The following ASCC2 variants were observed in gnomAD, a reference collection of about 807,000 sequenced individuals.
ASCC2 encodes activating signal cointegrator 1 complex subunit 2.
ASCC2 carries 42 observed loss-of-function variants against 93.5 expected under a neutral mutation model. The ratio of observed to expected loss-of-function variants is 0.45; its 90% CI spans 0.35 to 0.58. ASCC2 has a LOEUF of 0.58. ASCC2 is among the 20% of genes least tolerant of loss of function. The pLI, the probability that ASCC2 is intolerant of heterozygous loss-of-function variation, is 0.00. For missense variants in ASCC2, 859 were observed against 977.6 expected, an observed-to-expected ratio of 0.88 and a Z score of 1.62; for synonymous variants, 364 against 384.2, an observed-to-expected ratio of 0.95 and a Z score of 0.62.
At chr22:29,838,014 T>C (rs2064079342) in intron 1 of ASCC2, among the ~76,000 whole-genome samples, 164 bp downstream of exon 1, 1 of 152,210 alleles carries the variant, frequency 6.6e-6, no homozygotes, top group South Asian at 2.1e-4. Context: ...CTCCTGACCC[T>C]GGCGGCCAAG....
chr22:29,789,055 G>A lies in ASCC2; in HGVS notation c.2232C>T (p.Thr744=). Residue 744 remains threonine, a synonymous_variant, in exon 20 of 20, where the codon ACC becomes ACT. Coordinates refer to ENST00000307790, the MANE Select transcript of ASCC2 (RefSeq NM_032204.5). ...CTTTGCTCCTCTTGCGGTCGGCCATGGTTCTCCGGTTGTGGTTGGCTCTTG... is the reference window on the plus strand; with the variant it reads ...CTTTGCTCCTCTTGCGGTCGGCCATAGTTCTCCGGTTGTGGTTGGCTCTTG... ...KATRANHNRR[T]MADRKRSKGM... The A allele has an allele frequency of 2.5e-6, 4 of 1,614,176 alleles. No individual in the cohort carries two copies. The highest frequency in any genetic ancestry group is 3.4e-6 in the Non-Finnish European group (4 of 1,180,030).
chr22:29,803,479 C>A (rs1601906492), intron 13 of ASCC2, among the ~76,000 whole-genome samples: 2 of 151,986 alleles, frequency 1.3e-5, no homozygotes, highest in Admixed American at 1.3e-4. Context: ...GCACAAAACC[C>A]AGTGAGCACA....
rs374986050 is a variant in ASCC2 at position 29,803,906 on chromosome 22, A to G, written c.1353+732T>C. On this transcript the variant is annotated intron_variant, in intron 13 of 19. Coordinates refer to ENST00000307790, the MANE Select transcript of ASCC2 (RefSeq NM_032204.5). ...ACTGAAGGCCAGTCAGGCTCAGGGT[A>G]TTCCATGTGATAGCTCTGGGAATCC... 2.2e-3 allele frequency among the ~76,000 whole-genome samples: 334 copies of G among 152,286 alleles called. 1 individual carries two copies. Among genetic ancestry groups the G allele is most frequent in the African/African-American group, 7.7e-3 (322 of 41,568 alleles).
chr22:29,815,989 G>T lies in ASCC2; in HGVS notation c.609+17C>A. 6.4e-7 allele frequency: 1 copy of T among 1,574,256 alleles called. No individual in the cohort carries two copies. The highest frequency in any genetic ancestry group is 8.6e-7 in the Non-Finnish European group (1 of 1,156,922). On this transcript the variant is annotated intron_variant, in intron 6 of 19. Coordinates refer to ENST00000307790, the MANE Select transcript of ASCC2 (RefSeq NM_032204.5). ...CTCCAAGCTCAACCTCCCCTGCGCAGGGCCAAGAGCTGGTACCTGAAGGAT... is the reference window on the plus strand; with the variant it reads ...CTCCAAGCTCAACCTCCCCTGCGCATGGCCAAGAGCTGGTACCTGAAGGAT...
chr22:29,807,235 C>CAAAAA (rs553545816), intron 9 of ASCC2, among the ~76,000 whole-genome samples: 9 of 46,468 alleles, frequency 1.9e-4, no homozygotes, highest in South Asian at 1.1e-3. Context: ...GACCCTGTCT[C>CAAAAA]AAAAAAAAAA....
intron 2 of ASCC2, among the ~76,000 whole-genome samples, chr22:29,830,406 A>G (rs2062983562): frequency 6.6e-6 from 1 of 152,336 alleles, no homozygotes; most frequent in Non-Finnish European, 1.5e-5. Flanking sequence ...GGTTAGTGTA[A>G]GAGTCAGGAT....
Position 29,802,498 on chromosome 22 carries a change from A to T in ASCC2, c.1354-290T>A, listed in dbSNP as rs374607513. On this transcript the variant is annotated intron_variant, in intron 13 of 19. Transcript: ENST00000307790. ...ACATATCCAGGAAAATAAACAAAAA[A>T]AAAAAATAAAAAAAATTTAAGGCCG... 0.02 allele frequency among the ~76,000 whole-genome samples: 2,949 copies of T among 148,404 alleles called. 92 individuals are homozygous for T. Among genetic ancestry groups the T allele is most frequent in the African/African-American group, 0.066 (2,711 of 40,936 alleles).
At position 29,825,383 on chromosome 22, in the gene ASCC2, C is replaced by A; in HGVS notation, c.241-126G>T. On this transcript the variant is annotated intron_variant, in intron 3 of 19. Coordinates refer to ENST00000307790, the MANE Select transcript of ASCC2 (RefSeq NM_032204.5). This position sits in a 1 kb window ranked among gnomAD's most constrained non-coding sequence, Gnocchi z 4.9. ...TCCAAACACTCCGACCCCAAGGGAC[C>A]AAGGAGGTATGAATGAGCCAAGGGC... The A allele has an allele frequency of 7.7e-7, 1 of 1,291,460 alleles. No individual in the cohort carries two copies. The highest frequency in any genetic ancestry group is 1.1e-6 in the Non-Finnish European group (1 of 938,330). The allele number at this position is 1,291,460 out of a possible 1,614,324, so 80.0% of individuals were successfully genotyped here. A position where few individuals can be genotyped will look rare whatever the true frequency, so the allele number is the denominator to read the frequency against.
chr22:29,806,090 G>GCAGGCCACCTCGA, intron 12 of ASCC2, 126 bp downstream of exon 12: 2 of 1,038,200 alleles, frequency 1.9e-6, no homozygotes, highest in Non-Finnish European at 1.5e-6. Context: ...GGCCACCTCG[G>GCAGGCCACCTCGA]ACAGCTGGCT....
intron 8 of ASCC2, among the ~76,000 whole-genome samples, chr22:29,811,823 C>CT (rs1026417210): frequency 1.4e-4 from 21 of 152,318 alleles, no homozygotes; most frequent in Admixed American, 1.2e-3. Flanking sequence ...TGGGGAAACA[C>CT]TTTAACAAAA....
chr22:29,828,726 A>G (rs533973396), intron 2 of ASCC2, among the ~76,000 whole-genome samples: 2 of 152,284 alleles, frequency 1.3e-5, no homozygotes, highest in African/African-American at 4.8e-5. Context: ...CTTTCAGATC[A>G]GTGGTTTGGA....
chr22:29,796,426 C>T (rs909108229), intron 15 of ASCC2, among the ~76,000 whole-genome samples: 5 of 152,022 alleles, frequency 3.3e-5, no homozygotes, highest in Admixed American at 1.3e-4. Flanking sequence ...CCAGTCAACA[C>T]GAAATGTGCT....
Position 29,823,621 on chromosome 22 carries a change from A to G in ASCC2, c.412-1157T>C, listed in dbSNP as rs146971488. 5.5e-3 allele frequency among the ~76,000 whole-genome samples: 835 copies of G among 152,172 alleles called. 11 individuals are homozygous for G. The highest frequency in any genetic ancestry group is 0.019 in the African/African-American group (803 of 41,528). The stretch of plus-strand genomic sequence containing the variant: ...TCAGCACTTTGGGAGGCCGAGGCAG[A>G]CGGATCACGTGAGGTCAGGAGTTCG... On this transcript the variant is annotated intron_variant, in intron 4 of 19. Coordinates refer to ENST00000307790, the MANE Select transcript of ASCC2 (RefSeq NM_032204.5).
intron 4 of ASCC2, 96 bp downstream of exon 4, chr22:29,824,991 C>T (rs1004194172): frequency 1.7e-6 from 2 of 1,162,556 alleles, no homozygotes; most frequent in Admixed American, 2.9e-5. Flanking sequence ...AAAGAGGAAA[C>T]TCAATGCTTC....
At position 29,813,447 on chromosome 22, in the gene ASCC2, C is replaced by T. The variant is rs772061180; in HGVS notation, c.816G>A (p.Lys272=). The change falls in exon 8 of 20, where the codon AAG becomes AAA. Residue 272 remains lysine (K), a synonymous_variant. Coordinates refer to ENST00000307790, the MANE Select transcript of ASCC2 (RefSeq NM_032204.5). ...IFPLACQTFQ[K]HDFCYRLASF... ...CGCCTTACCTGTAACAAAAGTCGTG[C>T]TTCTGGAAGGTCTGGCAAGCCAAAG... 1.9e-6 allele frequency: 3 copies of T among 1,612,902 alleles called. No homozygotes were observed. Among genetic ancestry groups the T allele is most frequent in the South Asian group, 1.1e-5 (1 of 91,058 alleles).
At chr22:29,806,721 G>C in intron 10 of ASCC2, 76 bp downstream of exon 10, 1 of 1,474,710 alleles carries the variant, frequency 6.8e-7, no homozygotes, top group Non-Finnish European at 9.4e-7. Context: ...AGGAAGCCAA[G>C]ATGAAATAAT....
In ASCC2 at chr22:29,825,045, T is replaced by C. The variant is rs2062123822; in HGVS notation, c.411+42A>G. The C allele has an allele frequency of 7.3e-7, 1 of 1,361,522 alleles. No individual in the cohort carries two copies. The highest frequency in any genetic ancestry group is 9.6e-7 in the Non-Finnish European group (1 of 1,037,058). The allele number at this position is 1,361,522 out of a possible 1,614,324, so 84.3% of individuals were successfully genotyped here. ...GGGTGGAGAGCCCGGCACAGAGGTGTCGAGTATCGGGTGATGACCTGTCAT... is the reference window on the plus strand; with the variant it reads ...GGGTGGAGAGCCCGGCACAGAGGTGCCGAGTATCGGGTGATGACCTGTCAT... On this transcript the variant is annotated intron_variant, in intron 4 of 19. Coordinates refer to ENST00000307790, the MANE Select transcript of ASCC2 (RefSeq NM_032204.5). This position sits in a 1 kb window ranked among gnomAD's most constrained non-coding sequence, Gnocchi z 4.9.
intron 1 of ASCC2, chr22:29,832,674 C>T (rs2063307214): frequency 1.1e-5 from 2 of 180,402 alleles, no homozygotes; most frequent in South Asian, 2.2e-4. Context: ...CAACCTCCGC[C>T]TCCCTGGTTC....
rs868042836 is a variant in ASCC2 at position 29,804,204 on chromosome 22, G to A, written c.1353+434C>T. Among the ~76,000 whole-genome samples the A allele has an allele frequency of 2.6e-5, 4 of 152,268 alleles. No individual in the cohort carries two copies. The South Asian group carries it at 8.3e-4, about 32-fold the overall frequency. The stretch of plus-strand genomic sequence containing the variant: ...AGCCTGGAGAGAAGGCACCAGATCC[G>A]AGGTTTCTACACTTGTTCAGTGGAA... On this transcript the variant is annotated intron_variant, in intron 13 of 19. Transcript: ENST00000307790.
Sources: gnomAD v4.1 joint callset for allele counts (sites outside exome capture counted in the v4.1 genomes callset) on GRCh38, gnomAD v4.1.1 for gene constraint, Gnocchi (gnomAD v3.1) non-coding constraint, MANE v1.5 for transcripts, NCBI Gene and HGNC (gene_info 2026-07-23, HGNC 2026-07-21) for gene names.